Variants in BCAS1 observed in about 807,000 individuals in gnomAD.
BCAS1 encodes breast carcinoma-amplified sequence 1.
BCAS1 carries 46 observed loss-of-function variants against 65.4 expected under a neutral mutation model. That is an observed-to-expected ratio of 0.70 (90% CI 0.55 to 0.90). The LOEUF (loss-of-function observed/expected upper bound fraction) is 0.90. BCAS1 is among the 40% of genes least tolerant of loss of function. The pLI is 0.00. For synonymous variants in BCAS1, 298 were observed against 293.5 expected, an observed-to-expected ratio of 1.02 and a Z score of -0.16; for missense variants, 793 against 771.2, an observed-to-expected ratio of 1.03 and a Z score of -0.33.
chr20:54,021,220 T>C (rs1429507788), intron 4 of BCAS1, among the ~76,000 whole-genome samples: 1 of 152,012 alleles, frequency 6.6e-6, no homozygotes, highest in Non-Finnish European at 1.5e-5. Flanking sequence ...TTTAGGAAAC[T>C]CCTTTCTTAT....
intron 4 of BCAS1, among the ~76,000 whole-genome samples, chr20:54,021,959 C>T (rs1875048638): frequency 1.3e-5 from 2 of 152,174 alleles, no homozygotes; most frequent in Non-Finnish European, 2.9e-5. Flanking sequence ...CACAAAGACA[C>T]AAAGTGAACA....
intron 6 of BCAS1, 124 bp downstream of exon 6, chr20:53,994,888 T>TACACACACACACACAC (rs11471603): frequency 1.2e-3 from 651 of 556,898 alleles, no homozygotes; most frequent in East Asian, 6.2e-3. Flanking sequence ...ATAGATATGA[T>TACACACACACACACAC]ACACACACAC....
chr20:53,986,017 G>C (rs2090606700), intron 7 of BCAS1, among the ~76,000 whole-genome samples: 1 of 152,202 alleles, frequency 6.6e-6, no homozygotes, highest in African/African-American at 2.4e-5. Context: ...GACTGAGTTA[G>C]ACTATAAAGT....
At chr20:54,030,426 T>C (rs2091773218) in intron 3 of BCAS1, among the ~76,000 whole-genome samples, 1 of 152,382 alleles carries the variant, frequency 6.6e-6, no homozygotes, top group Admixed American at 6.5e-5. Context: ...TGACAGATAC[T>C]GTGATAACTT....
chr20:53,974,021 G>C (rs143059933), intron 9 of BCAS1, among the ~76,000 whole-genome samples: 15 of 150,128 alleles, frequency 1.0e-4, no homozygotes, highest in Admixed American at 4.0e-4. Flanking sequence ...AGCACTTTGT[G>C]TCTAGCTTAA....
intron 12 of BCAS1, among the ~76,000 whole-genome samples, chr20:53,949,191 T>C (rs926362987): frequency 2.3e-5 from 3 of 130,352 alleles, no homozygotes; most frequent in Non-Finnish European, 5.2e-5. Flanking sequence ...TGTGTGCGTA[T>C]ATGCATATAT....
chr20:53,964,600 T>C (rs1276974777), intron 10 of BCAS1, among the ~76,000 whole-genome samples: 1 of 152,180 alleles, frequency 6.6e-6, no homozygotes. Flanking sequence ...TTCATCCCTA[T>C]CCTATAGCGA....
intron 3 of BCAS1, among the ~76,000 whole-genome samples, chr20:54,057,334 A>G (rs1054798235): frequency 1.3e-5 from 2 of 152,232 alleles, no homozygotes; most frequent in African/African-American, 2.4e-5. Context: ...TGTTTAATAA[A>G]CAACCTCCTT....
In BCAS1 at chr20:53,943,594, A is replaced by G. The variant is rs1424596994; in HGVS notation, c.*1328T>C. 1.3e-5 allele frequency: 2 copies of G among 152,398 alleles called. No individual in the cohort carries two copies. The highest frequency in any genetic ancestry group is 3.9e-4 in the East Asian group (2 of 5,192). The allele number at this position is 152,398 out of a possible 1,614,324, so 9.4% of individuals were successfully genotyped here. On this transcript the variant is annotated 3_prime_UTR_variant, in exon 13 of 13. Coordinates refer to ENST00000688948, the MANE Select transcript of BCAS1 (RefSeq NM_001366298.2). ...TCAGAAAAAGAAAGATACAGTTTACATGACTGTCAGTCAATCATATGCTAC... is the reference window on the plus strand; with the variant it reads ...TCAGAAAAAGAAAGATACAGTTTACGTGACTGTCAGTCAATCATATGCTAC...
intron 11 of BCAS1, among the ~76,000 whole-genome samples, chr20:53,955,349 G>C (rs2089668224): frequency 6.6e-6 from 1 of 152,220 alleles, no homozygotes. Flanking sequence ...AACTGTCAGA[G>C]TTGCAGCAAA....
intron 3 of BCAS1, among the ~76,000 whole-genome samples, chr20:54,051,116 T>C (rs1468734507): frequency 6.6e-6 from 1 of 152,150 alleles, no homozygotes. Context: ...TTAATAGGGG[T>C]TGTGGCACCT....
intron 4 of BCAS1, among the ~76,000 whole-genome samples, chr20:54,023,307 A>G (rs534393003): frequency 6.6e-6 from 1 of 152,358 alleles, no homozygotes; most frequent in Non-Finnish European, 1.5e-5. Flanking sequence ...TTGGAGATGG[A>G]CAATTTTGGC....
At chr20:54,020,708 G>A (rs1014670410) in intron 4 of BCAS1, among the ~76,000 whole-genome samples, 2 of 152,182 alleles carry the variant, frequency 1.3e-5, no homozygotes, top group Non-Finnish European at 2.9e-5. Flanking sequence ...TCAATGTGTC[G>A]AAGTGGTCAG....
chr20:54,044,460 A>G lies in BCAS1; in HGVS notation c.142+13625T>C, dbSNP rs757419609. On this transcript the variant is annotated intron_variant, in intron 3 of 12. Transcript: ENST00000688948. ...AGTCATGGAACAGTAAGTTGTGTCC[A>G]GAGTATCTGTCATGGTAAGTACAAA... is the stretch of plus-strand genomic sequence containing the variant. Among the ~76,000 whole-genome samples, 18 of 152,372 alleles carry G rather than the reference A, an allele frequency of 1.2e-4. No individual in the cohort carries two copies. The Middle Eastern group carries it at 0.01, about 86-fold the overall frequency.
chr20:54,048,632 C>T (rs1226702914), intron 3 of BCAS1, among the ~76,000 whole-genome samples: 3 of 152,154 alleles, frequency 2.0e-5, no homozygotes, highest in Non-Finnish European at 2.9e-5. Context: ...GGCTCATGTA[C>T]TTGGTGTTTT....
At position 53,975,340 on chromosome 20, in the gene BCAS1, T is replaced by C. The variant is rs780622800; in HGVS notation, c.1317+49A>G. The C allele has an allele frequency of 5.1e-6, 8 of 1,560,718 alleles. No homozygotes were observed. In the South Asian group the frequency reaches 5.6e-5, roughly 11 times the overall value. ...GCTGAAAATGCCCAATTGTACAACA[T>C]GGCGGAAGATGAGAATGGAATGATT... On this transcript the variant is annotated intron_variant, in intron 9 of 12. Coordinates refer to ENST00000688948, the MANE Select transcript of BCAS1 (RefSeq NM_001366298.2).
intron 4 of BCAS1, among the ~76,000 whole-genome samples, chr20:54,008,110 T>C (rs1389185559): frequency 6.6e-6 from 1 of 152,238 alleles, no homozygotes; most frequent in Non-Finnish European, 1.5e-5. Flanking sequence ...ATGACCATAC[T>C]ACTCCAGCCA....
chr20:54,031,888 T>C (rs2091808954), intron 3 of BCAS1, among the ~76,000 whole-genome samples: 1 of 151,094 alleles, frequency 6.6e-6, no homozygotes, highest in South Asian at 2.1e-4. Flanking sequence ...ATGGAGGGAA[T>C]GGAATCAACC....
intron 7 of BCAS1, among the ~76,000 whole-genome samples, chr20:53,986,105 T>C (rs987609325): frequency 6.6e-6 from 1 of 152,140 alleles, no homozygotes; most frequent in African/African-American, 2.4e-5. Flanking sequence ...ATTTCTTCAC[T>C]TTTAGGTGCA....
Sources: gnomAD v4.1 joint callset for allele counts (sites outside exome capture counted in the v4.1 genomes callset) on GRCh38, gnomAD v4.1.1 for gene constraint, MANE v1.5 for transcripts, NCBI Gene and HGNC (gene_info 2026-07-23, HGNC 2026-07-21) for gene names.